Variants in SGMS1 observed in about 807,000 individuals in gnomAD.
The protein encoded by SGMS1 is phosphatidylcholine:ceramide cholinephosphotransferase 1.
In SGMS1, 13 loss-of-function variants were observed where a neutral mutation model predicts 46.2. The observed-to-expected ratio is 0.28, with a 90% confidence interval of 0.18 to 0.45. SGMS1 has a LOEUF of 0.45. Among genes scored for constraint, SGMS1 ranks in the 20% least tolerant of loss-of-function variants. SGMS1 has a pLI of 1.00. For missense variants in SGMS1, 324 were observed against 519.9 expected (o/e 0.62, Z 3.66); for synonymous variants, 203 against 187.8 (o/e 1.08, Z -0.66).
At chr10:50,562,469 C>A (rs1473436377) in intron 2 of SGMS1, among the ~76,000 whole-genome samples, 1 of 152,140 alleles carries the variant, frequency 6.6e-6, no homozygotes, top group East Asian at 1.9e-4. Context: ...GGTTGGTAGA[C>A]CATGTTTGAA....
intron 6 of SGMS1, among the ~76,000 whole-genome samples, chr10:50,394,224 CA>C (rs1223511210): frequency 3.3e-5 from 5 of 152,100 alleles, no homozygotes; most frequent in African/African-American, 1.2e-4. Flanking sequence ...TGTTACAGGC[CA>C]AATCTAGCAA....
intron 2 of SGMS1, among the ~76,000 whole-genome samples, chr10:50,575,886 G>C (rs7898315): frequency 0.46 from 69,183 of 151,710 alleles, 16,128 homozygotes; most frequent in East Asian, 0.74. Context: ...AGAAATAAAG[G>C]AAAGAAGTAT....
chr10:50,308,013 A>G lies in SGMS1; in HGVS notation c.1031T>C (p.Phe344Ser). The G allele has an allele frequency of 6.2e-7, 1 of 1,614,038 alleles. No homozygotes were observed. The highest frequency in any genetic ancestry group is 8.5e-7 in the Non-Finnish European group (1 of 1,179,972). The stretch of plus-strand genomic sequence containing the variant: ...ATTGGCCATAGTGTGATACCACCAG[A>G]AGAGTCTCGTGGTGATGTAATATGC... ...VVAYYITTRL[F>S]WWYHTMANQQ... is the part of the protein sequence containing the mutation. The change falls in exon 10 of 11, where the codon TTC becomes TCC. Residue 344 changes from phenylalanine to serine, a missense_variant. This residue lies in a region of SGMS1 where 174 missense variants were observed against 350.1 expected (regional missense o/e 0.50). Transcript: ENST00000361781.
upstream of SGMS1, chr10:50,624,554 G>C: frequency 1.0e-6 from 1 of 979,146 alleles, no homozygotes; most frequent in Non-Finnish European, 1.2e-6. Context: ...CTCTAACCGC[G>C]CGAGGTGAAA....
chr10:50,393,532 C>G (rs1009683840), intron 6 of SGMS1, among the ~76,000 whole-genome samples: 1 of 152,096 alleles, frequency 6.6e-6, no homozygotes, highest in African/African-American at 2.4e-5. Context: ...GCATACAAGA[C>G]AAGCAGGAAA....
At chr10:50,415,683 T>C (rs1355063788) in intron 6 of SGMS1, among the ~76,000 whole-genome samples, 1 of 152,186 alleles carries the variant, frequency 6.6e-6, no homozygotes, top group Non-Finnish European at 1.5e-5. Flanking sequence ...TGCCCACAGA[T>C]GGACTCTCTC....
chr10:50,387,560 C>T (rs1848700029), intron 6 of SGMS1, among the ~76,000 whole-genome samples: 1 of 152,154 alleles, frequency 6.6e-6, no homozygotes, highest in Non-Finnish European at 1.5e-5. Flanking sequence ...TAAACAGACA[C>T]CGCAAGCCAA....
At chr10:50,426,151 A>G (rs1011320822) in intron 6 of SGMS1, among the ~76,000 whole-genome samples, 4 of 152,190 alleles carry the variant, frequency 2.6e-5, no homozygotes, top group Non-Finnish European at 4.4e-5. Flanking sequence ...AAACAAAAGT[A>G]AAAAAAGATT....
At chr10:50,620,449 C>T (rs1838838841) in intron 1 of SGMS1, among the ~76,000 whole-genome samples, 1 of 152,212 alleles carries the variant, frequency 6.6e-6, no homozygotes, top group Admixed American at 6.5e-5. Flanking sequence ...TATGCCCCCA[C>T]AAGGACACAA....
chr10:50,510,741 G>A (rs1837746560), intron 3 of SGMS1, among the ~76,000 whole-genome samples: 4 of 151,966 alleles, frequency 2.6e-5, no homozygotes, highest in Admixed American at 2.6e-4. Flanking sequence ...AATTATCAAA[G>A]CACAAACTTG....
At chr10:50,321,217 A>T (rs1847437072) in intron 8 of SGMS1, among the ~76,000 whole-genome samples, 1 of 152,224 alleles carries the variant, frequency 6.6e-6, no homozygotes, top group South Asian at 2.1e-4. Context: ...AAATATAAGG[A>T]GATATGAATA....
At chr10:50,390,021 C>T (rs998869024) in intron 6 of SGMS1, among the ~76,000 whole-genome samples, 5 of 152,022 alleles carry the variant, frequency 3.3e-5, no homozygotes, top group African/African-American at 1.2e-4. Context: ...TCCATAATAC[C>T]CATTACTCCT....
intron 3 of SGMS1, among the ~76,000 whole-genome samples, chr10:50,492,237 ATTC>A (rs1357156630): frequency 6.6e-6 from 1 of 152,258 alleles, no homozygotes; most frequent in African/African-American, 2.4e-5. Context: ...AGCTGGAAGC[ATTC>A]TTCTTGAAAA....
chr10:50,591,078 G>A (rs1263336512), intron 1 of SGMS1, among the ~76,000 whole-genome samples: 1 of 152,098 alleles, frequency 6.6e-6, no homozygotes, highest in African/African-American at 2.4e-5. Context: ...ATACACACAA[G>A]TTTGCGGCAA....
chr10:50,520,259 A>G (rs1837845891), intron 2 of SGMS1, among the ~76,000 whole-genome samples: 2 of 151,976 alleles, frequency 1.3e-5, no homozygotes, highest in Non-Finnish European at 2.9e-5. Context: ...ATATGGTGGT[A>G]TTTACCTGTG....
intron 6 of SGMS1, among the ~76,000 whole-genome samples, chr10:50,430,172 A>T (rs1390087026): frequency 1.3e-5 from 2 of 152,166 alleles, no homozygotes; most frequent in East Asian, 3.8e-4. Context: ...TCTCATCCAG[A>T]TAACTGAATG....
chr10:50,355,686 G>A (rs988263552), intron 6 of SGMS1, among the ~76,000 whole-genome samples: 2 of 152,204 alleles, frequency 1.3e-5, no homozygotes, highest in South Asian at 2.1e-4. Flanking sequence ...GCCTCTGCAC[G>A]GCTGCCACCC....
In SGMS1 at chr10:50,621,514, TTC is replaced by T. The variant is rs1183176336; in HGVS notation, c.-684+2191_-684+2192del. 2.7e-5 allele frequency among the ~76,000 whole-genome samples: 4 copies of T among 150,386 alleles called. No homozygotes were observed. In the East Asian group the frequency reaches 7.7e-4, roughly 29 times the overall value. ...GAACATGGTAAATACTGGTAAACTC[TTC>T]TGTTATGAAGAATTTTTAAAATTTC... On this transcript the variant is annotated intron_variant, in intron 1 of 10. Transcript: ENST00000361781.
chr10:50,427,532 A>C (rs376745252), intron 6 of SGMS1, among the ~76,000 whole-genome samples: 6 of 152,358 alleles, frequency 3.9e-5, no homozygotes, highest in African/African-American at 1.4e-4. Flanking sequence ...TACAAATTAA[A>C]TGGCACAGTA....
Sources: gnomAD v4.1 joint callset for allele counts (sites outside exome capture counted in the v4.1 genomes callset) on GRCh38, gnomAD v4.1.1 for gene constraint, gnomAD v4.1.1 regional missense constraint, MANE v1.5 for transcripts, NCBI Gene and HGNC (gene_info 2026-07-23, HGNC 2026-07-21) for gene names.